NPAS3: variants seen among roughly 807,000 people sequenced by gnomAD.
NPAS3 encodes the protein neuronal PAS domain-containing protein 3.
Under a neutral mutation model 73.1 loss-of-function variants are expected in NPAS3, and 14 were observed. The ratio of observed to expected loss-of-function variants is 0.19; its 90% confidence interval spans 0.13 to 0.30. The LOEUF (loss-of-function observed/expected upper bound fraction) is 0.30, where lower values mean the gene tolerates loss of function less well. NPAS3 is among the 10% of genes least tolerant of loss of function. The pLI is 1.00. For missense variants in NPAS3, 1,096 were observed against 1,250.0 expected (o/e 0.88, Z 1.86); for synonymous variants, 620 against 541.5 (o/e 1.14, Z -2.01).
At chr14:33,402,945 A>C (rs1456574538) in intron 4 of NPAS3, among the ~76,000 whole-genome samples, 1 of 152,148 alleles carries the variant, frequency 6.6e-6, no homozygotes, top group African/African-American at 2.4e-5. Flanking sequence ...CCTAGCTATC[A>C]GTATGTGGAA....
intron 4 of NPAS3, among the ~76,000 whole-genome samples, chr14:33,380,878 A>G (rs896946547): frequency 2.0e-5 from 3 of 152,178 alleles, no homozygotes; most frequent in African/African-American, 7.2e-5. Context: ...GGCCACCACA[A>G]AAATGCCCTC....
intron 5 of NPAS3, among the ~76,000 whole-genome samples, chr14:33,604,704 C>T (rs2057502349): frequency 6.6e-6 from 1 of 152,000 alleles, no homozygotes; most frequent in African/African-American, 2.4e-5. Flanking sequence ...TTATTCTGAG[C>T]CATAAAGTAC....
At chr14:33,107,575 A>G (rs1050477844) in intron 2 of NPAS3, among the ~76,000 whole-genome samples, 1 of 152,206 alleles carries the variant, frequency 6.6e-6, no homozygotes, top group Non-Finnish European at 1.5e-5. Flanking sequence ...TGTTGCAGCA[A>G]AAGACACAAT....
chr14:33,157,872 T>A (rs75791967), intron 2 of NPAS3, among the ~76,000 whole-genome samples: 135 of 152,250 alleles, frequency 8.9e-4, no homozygotes, highest in African/African-American at 3.0e-3. Context: ...ATGTCAATAG[T>A]CCTTCATGTG....
chr14:33,316,820 C>T (rs552783959), intron 3 of NPAS3, among the ~76,000 whole-genome samples: 3 of 152,142 alleles, frequency 2.0e-5, no homozygotes, highest in African/African-American at 7.2e-5. Context: ...CTTTAGTACC[C>T]CCAGGAGTGA....
intron 1 of NPAS3, among the ~76,000 whole-genome samples, chr14:33,008,247 T>G (rs1353088133): frequency 6.6e-6 from 1 of 152,180 alleles, no homozygotes; most frequent in Non-Finnish European, 1.5e-5. Context: ...AAAAATGAAC[T>G]ACATGTATTA....
At chr14:33,429,651 G>T (rs1422302947) in intron 4 of NPAS3, among the ~76,000 whole-genome samples, 2 of 152,118 alleles carry the variant, frequency 1.3e-5, no homozygotes, top group East Asian at 1.9e-4. Flanking sequence ...TTTAGGGTAA[G>T]TTGTGAAGTT....
intron 2 of NPAS3, among the ~76,000 whole-genome samples, chr14:33,196,010 A>C (rs2046338344): frequency 6.6e-6 from 1 of 152,246 alleles, no homozygotes; most frequent in Non-Finnish European, 1.5e-5. Flanking sequence ...GATGTCCTAG[A>C]GAAAAATCCT....
chr14:33,677,881 G>C (rs1407370332), intron 6 of NPAS3, among the ~76,000 whole-genome samples: 3 of 152,208 alleles, frequency 2.0e-5, no homozygotes, highest in Non-Finnish European at 4.4e-5. Flanking sequence ...AGCTATGTCA[G>C]CGAGATAACT....
At chr14:33,019,083 G>A (rs1158687254) in intron 1 of NPAS3, among the ~76,000 whole-genome samples, 2 of 152,142 alleles carry the variant, frequency 1.3e-5, no homozygotes, top group Non-Finnish European at 2.9e-5. Context: ...ATCTTGCCCA[G>A]ATTCATAACA....
At position 33,159,475 on chromosome 14, in the gene NPAS3, C is replaced by G. The variant is rs572539496; in HGVS notation, c.141-55707C>G. On this transcript the variant is annotated intron_variant, in intron 2 of 11. Transcript: ENST00000356141. ...TTTGTCCAAAACTTAAATCACTGTCCTTAGATGTTTTTATATTGTCGCCCA... is the reference window on the plus strand; with the variant it reads ...TTTGTCCAAAACTTAAATCACTGTCGTTAGATGTTTTTATATTGTCGCCCA... Among the ~76,000 whole-genome samples, 65 of 151,158 alleles carry G rather than the reference C, an allele frequency of 4.3e-4. 2 individuals are homozygous for G. In the South Asian group the frequency reaches 0.013, roughly 29 times the overall value.
chr14:33,303,998 C>G (rs1426914207), intron 3 of NPAS3, among the ~76,000 whole-genome samples: 4 of 152,194 alleles, frequency 2.6e-5, no homozygotes, highest in Admixed American at 6.5e-5. Context: ...AGCTCCACCT[C>G]CCGGGTTCAC....
At chr14:33,155,716 T>G (rs1263965653) in intron 2 of NPAS3, among the ~76,000 whole-genome samples, 1 of 152,180 alleles carries the variant, frequency 6.6e-6, no homozygotes, top group African/African-American at 2.4e-5. Context: ...GTAGGGAGTG[T>G]GGTCTGCAGG....
intron 4 of NPAS3, among the ~76,000 whole-genome samples, chr14:33,555,889 G>GGTGTGTGTGTGTGT (rs142802411): frequency 2.0e-5 from 3 of 148,578 alleles, no homozygotes; most frequent in Admixed American, 2.0e-4. Flanking sequence ...AATTGTTGTT[G>GGTGTGTGTGTGTGT]GTGTGTCTGT....
chr14:33,611,131 G>A (rs1433450086), intron 5 of NPAS3: 2 of 152,190 alleles, frequency 1.3e-5, no homozygotes, highest in Non-Finnish European at 2.9e-5. Flanking sequence ...GGTATCCTAA[G>A]AGTCAAAAGA....
intron 5 of NPAS3, among the ~76,000 whole-genome samples, chr14:33,601,218 A>C (rs894000649): frequency 1.3e-5 from 2 of 152,114 alleles, no homozygotes; most frequent in African/African-American, 2.4e-5. Context: ...ATTCATTTTC[A>C]TTTTCTGGGA....
chr14:33,387,206 T>C (rs1287857491), intron 4 of NPAS3, among the ~76,000 whole-genome samples: 1 of 152,204 alleles, frequency 6.6e-6, no homozygotes, highest in Non-Finnish European at 1.5e-5. Context: ...CAATGTCAGA[T>C]GAGTAATAAT....
intron 1 of NPAS3, among the ~76,000 whole-genome samples, chr14:32,971,116 G>C (rs1019654692): frequency 3.5e-5 from 5 of 141,440 alleles, no homozygotes; most frequent in Non-Finnish European, 7.6e-5. Flanking sequence ...ACAGGGTCTT[G>C]CTGTGTCGCC....
exon 1 of NPAS3, chr14:32,939,322 G>A: frequency 1.4e-6 from 1 of 718,934 alleles, no homozygotes; most frequent in Non-Finnish European, 2.5e-6. Flanking sequence ...GGAAGATGGC[G>A]CCCACCAAGC....
Sources: gnomAD v4.1 joint callset for allele counts (sites outside exome capture counted in the v4.1 genomes callset) on GRCh38, gnomAD v4.1.1 for gene constraint, MANE v1.5 for transcripts, NCBI Gene and HGNC (gene_info 2026-07-23, HGNC 2026-07-21) for gene names.